FGF9: variants seen among roughly 807,000 people sequenced by gnomAD.
The protein encoded by FGF9 is fibroblast growth factor 9 (glia-activating factor).
Under a neutral mutation model 19.9 loss-of-function variants are expected in FGF9, and 3 were observed. The observed-to-expected ratio is 0.15, with a 90% CI of 0.07 to 0.39. FGF9 has a LOEUF of 0.39. Ranked by LOEUF, FGF9 falls within the 10% of genes least tolerant of loss-of-function variation. The pLI is 1.00. For missense variants in FGF9, 175 were observed against 256.8 expected (o/e 0.68, Z 2.18); for synonymous variants, 107 against 106.9 (o/e 1.00, Z -0.01).
At position 21,681,143 on chromosome 13, in the gene FGF9, T is replaced by G. The variant is rs1198320298; in HGVS notation, c.379T>G (p.Ser127Ala). 6.2e-7 allele frequency: 1 copy of G among 1,605,002 alleles called. No homozygotes were observed. Among genetic ancestry groups the G allele is most frequent in the Admixed American group, 1.7e-5 (1 of 60,014 alleles). The change falls in exon 2 of 3, where the codon TCA becomes GCA. Residue 127 changes from serine to alanine, a missense_variant and splice_region_variant. This residue lies in a region of FGF9 where 101 missense variants were observed against 160.7 expected (regional missense o/e 0.63). Transcript: ENST00000382353. ...GMNEKGELYG[S>A]EKLTQECVFR... ...GAATGAGAAGGGGGAGCTGTATGGA[T>G]CAGTAAGTACTGGAGGGACTTCATC...
chr13:21,700,280 A>C (rs1278543935), intron 2 of FGF9, among the ~76,000 whole-genome samples: 1 of 152,094 alleles, frequency 6.6e-6, no homozygotes. Flanking sequence ...TTCAAGGAAA[A>C]GGCCGGAATA....
rs188466405 is a variant in FGF9, at chr13:21,699,919, A to T, written c.382-1271A>T. ...AAAGTTTCAGTTGAACAGTGAGAAGAGCAAAAAGGCCAGTAAGTCCTGTCA... is the reference window on the plus strand; with the variant it reads ...AAAGTTTCAGTTGAACAGTGAGAAGTGCAAAAAGGCCAGTAAGTCCTGTCA... On this transcript the variant is annotated intron_variant, in intron 2 of 2. Coordinates refer to ENST00000382353, the MANE Select transcript of FGF9 (RefSeq NM_002010.3). Among the ~76,000 whole-genome samples, 256 of 152,282 alleles carry T rather than the reference A, an allele frequency of 1.7e-3. 2 individuals carry two copies. Among genetic ancestry groups the T allele is most frequent in the Non-Finnish European group, 2.9e-3 (194 of 68,022 alleles).
intron 1 of FGF9, among the ~76,000 whole-genome samples, chr13:21,680,365 A>G (rs183378095): frequency 1.3e-5 from 2 of 152,282 alleles, no homozygotes; most frequent in East Asian, 3.9e-4. Context: ...CACAATAGAG[A>G]GCTGGATAAT....
At chr13:21,698,495 G>C (rs967271055) in intron 2 of FGF9, among the ~76,000 whole-genome samples, 1 of 152,188 alleles carries the variant, frequency 6.6e-6, no homozygotes, top group South Asian at 2.1e-4. Flanking sequence ...TGAGGTTACT[G>C]AGACTTGGAG....
At chr13:21,693,537 T>A (rs958941917) in intron 2 of FGF9, among the ~76,000 whole-genome samples, 1 of 152,166 alleles carries the variant, frequency 6.6e-6, no homozygotes, top group Admixed American at 6.5e-5. Context: ...TCCCCCAGAT[T>A]TGAGTGTGCT....
Position 21,703,173 on chromosome 13 carries a change from T to A in FGF9, c.*1738T>A, listed in dbSNP as rs1872586495. 6.6e-6 allele frequency: 1 copy of A among 152,254 alleles called. No homozygotes were observed. The highest frequency in any genetic ancestry group is 2.1e-4 in the South Asian group (1 of 4,834). 9.4% of individuals were successfully genotyped at this position (152,254 alleles called of 1,614,324 possible). ...GCCAGTTGTGTTGAGAAGTGCAAAG[T>A]GACGGTTTAAACATGTGTTGGGATT... On this transcript the variant is annotated 3_prime_UTR_variant, in exon 3 of 3. Transcript: ENST00000382353.
Position 21,703,684 on chromosome 13 carries a change from C to T in FGF9, c.*2249C>T, listed in dbSNP as rs544345160. ...TAAACATTTGACCACAGGGAAGAAT[C>T]AAGTTTCTAGGATGTCATAGGTATA... On this transcript the variant is annotated 3_prime_UTR_variant, in exon 3 of 3. Coordinates refer to ENST00000382353, the MANE Select transcript of FGF9 (RefSeq NM_002010.3). The T allele has an allele frequency of 6.6e-6, 1 of 151,818 alleles. No individual in the cohort carries two copies. The highest frequency in any genetic ancestry group is 1.5e-5 in the Non-Finnish European group (1 of 67,976). The allele number at this position is 151,818 out of a possible 1,614,324, so 9.4% of individuals were successfully genotyped here.
At chr13:21,684,276 G>C (rs1359447383) in intron 2 of FGF9, among the ~76,000 whole-genome samples, 1 of 151,392 alleles carries the variant, frequency 6.6e-6, no homozygotes, top group East Asian at 1.9e-4. Context: ...AGTTTACAGT[G>C]TGGTCAATTG....
At chr13:21,685,868 C>T (rs1872144621) in intron 2 of FGF9, among the ~76,000 whole-genome samples, 2 of 152,024 alleles carry the variant, frequency 1.3e-5, no homozygotes, top group Non-Finnish European at 2.9e-5. Flanking sequence ...GTCACGTGAC[C>T]CTTCAAATGT....
At chr13:21,676,015 G>C (rs945756637) in intron 1 of FGF9, among the ~76,000 whole-genome samples, 2 of 151,990 alleles carry the variant, frequency 1.3e-5, no homozygotes, top group Non-Finnish European at 2.9e-5. Flanking sequence ...CTGTGCAGTA[G>C]GCTGGGGGAG....
At position 21,703,135 on chromosome 13, in the gene FGF9, A is replaced by G. The variant is rs963218386; in HGVS notation, c.*1700A>G. 1.3e-5 allele frequency: 2 copies of G among 152,242 alleles called. No homozygotes were observed. The highest frequency in any genetic ancestry group is 6.5e-5 in the Admixed American group (1 of 15,288). The allele number at this position is 152,242 out of a possible 1,614,324, so 9.4% of individuals were successfully genotyped here. On this transcript the variant is annotated 3_prime_UTR_variant, in exon 3 of 3. Coordinates refer to ENST00000382353, the MANE Select transcript of FGF9 (RefSeq NM_002010.3). ...ATTTATAACAAATTCTCATCTACATATGACACTTTCTAGCCAGTTGTGTTG... is the reference window on the plus strand; with the variant it reads ...ATTTATAACAAATTCTCATCTACATGTGACACTTTCTAGCCAGTTGTGTTG...
chr13:21,694,507 C>T (rs9550759), intron 2 of FGF9, among the ~76,000 whole-genome samples: 41,583 of 152,040 alleles, frequency 0.27, 7,040 homozygotes, highest in East Asian at 0.4. Context: ...TTCCATTTCT[C>T]CTCTGTTGTC....
chr13:21,682,229 T>C (rs1872058939), intron 2 of FGF9, among the ~76,000 whole-genome samples: 1 of 152,032 alleles, frequency 6.6e-6, no homozygotes, highest in South Asian at 2.1e-4. Context: ...CTCAGGCTGG[T>C]CTTGAACTCC....
In FGF9 at chr13:21,701,751, C is replaced by A; in HGVS notation, c.*316C>A. 3.1e-6 allele frequency: 1 copy of A among 321,592 alleles called. No individual in the cohort carries two copies. The allele number at this position is 321,592 out of a possible 1,614,324, so 19.9% of individuals were successfully genotyped here. A position where few individuals can be genotyped will look rare whatever the true frequency, so the allele number is the denominator to read the frequency against. ...TGTGTGTGTGTGTGTATGTGTGTAG[C>A]GGGAGATGTGGGCGGAGCGAGAGCA... On this transcript the variant is annotated 3_prime_UTR_variant, in exon 3 of 3. Transcript: ENST00000382353.
chr13:21,688,751 GA>G (rs748798034), intron 2 of FGF9, among the ~76,000 whole-genome samples: 1 of 128,468 alleles, frequency 7.8e-6, no homozygotes, highest in Non-Finnish European at 1.7e-5. Flanking sequence ...GATTTTGGAG[GA>G]TTTTTTTTTT....
chr13:21,685,711 A>C (rs1010173143), intron 2 of FGF9, among the ~76,000 whole-genome samples: 3 of 152,220 alleles, frequency 2.0e-5, no homozygotes, highest in Admixed American at 2.0e-4. Flanking sequence ...GGGCAGTGTG[A>C]AATTTCCCAT....
In FGF9 at chr13:21,701,383, T is replaced by C. The variant is rs1872538346; in HGVS notation, c.575T>C (p.Val192Ala). The C allele has an allele frequency of 6.2e-7, 1 of 1,613,710 alleles. No homozygotes were observed. The highest frequency in any genetic ancestry group is 1.3e-5 in the African/African-American group (1 of 74,796). Residue 192 changes from valine (V) to alanine (A), a missense_variant, in exon 3 of 3, where the codon GTG (valine) becomes GCG (alanine). Val to Ala is a moderately conservative substitution (Grantham distance 64). Coordinates refer to ENST00000382353, the MANE Select transcript of FGF9 (RefSeq NM_002010.3). ...QKFTHFLPRPVDPDKVPELYK... is the reference protein window; with the variant it reads ...QKFTHFLPRPADPDKVPELYK... The stretch of plus-strand genomic sequence containing the variant: ...TTCACACATTTTTTACCTAGACCAG[T>C]GGACCCCGACAAAGTACCTGAACTG...
In FGF9 at chr13:21,701,530, G is replaced by T; in HGVS notation, c.*95G>T. 1 of 1,559,442 alleles carries T rather than the reference G, an allele frequency of 6.4e-7. No individual in the cohort carries two copies. Among genetic ancestry groups the T allele is most frequent in the Non-Finnish European group, 8.8e-7 (1 of 1,132,504 alleles). On this transcript the variant is annotated 3_prime_UTR_variant, in exon 3 of 3. Coordinates refer to ENST00000382353, the MANE Select transcript of FGF9 (RefSeq NM_002010.3). ...ATTGATTCGCTGTGTCATCACATCA[G>T]CTCCACTGTTGCCAAACTTTGTCGC...
At position 21,697,784 on chromosome 13, in the gene FGF9, A is replaced by G. The variant is rs114668045; in HGVS notation, c.382-3406A>G. 4.2e-3 allele frequency among the ~76,000 whole-genome samples: 626 copies of G among 149,918 alleles called. 2 individuals are homozygous for G. The highest frequency in any genetic ancestry group is 0.014 in the African/African-American group (584 of 40,900). ...ATAAATAGAATTATTCAAAAATTGC[A>G]TTTTGAAATAGACACATAGGACTCT... On this transcript the variant is annotated intron_variant, in intron 2 of 2. Transcript: ENST00000382353.
Sources: allele counts gnomAD v4.1 joint callset (sites outside exome capture counted in the v4.1 genomes callset), GRCh38; gene constraint gnomAD v4.1.1; regional missense constraint gnomAD v4.1.1; transcripts MANE v1.5; gene names NCBI Gene and HGNC (gene_info 2026-07-23, HGNC 2026-07-21).